Variants in SCRG1 observed in about 807,000 individuals in gnomAD.
The protein encoded by SCRG1 is stimulator of chondrogenesis 1, also known as scrapie-responsive protein 1.
Under a neutral mutation model 7.7 loss-of-function variants are expected in SCRG1, and 3 were observed. That is an observed-to-expected ratio of 0.39 (90% CI 0.18 to 1.01). SCRG1 has a LOEUF of 1.01. Ranked by LOEUF, SCRG1 falls within the 50% of genes least tolerant of loss-of-function variation. The probability of loss-of-function intolerance (pLI) is 0.36; values close to 1 mark genes in which losing one functional copy is unlikely to be tolerated. For missense variants in SCRG1, 110 were observed against 117.2 expected (o/e 0.94, Z 0.28); for synonymous variants, 46 against 41.2 (o/e 1.12, Z -0.44).
chr4:173,470,438 A>T, the SCRG1 span, among the ~76,000 whole-genome samples: 1 of 152,196 alleles, frequency 6.6e-6, no homozygotes, highest in Non-Finnish European at 1.5e-5. Flanking sequence ...CTGACGTGTC[A>T]GGCAGTCTTT....
chr4:173,464,940 C>A, the SCRG1 span, among the ~76,000 whole-genome samples: 2 of 152,078 alleles, frequency 1.3e-5, no homozygotes, highest in African/African-American at 4.8e-5. Flanking sequence ...ACACATACTA[C>A]AATATGGAAA....
the SCRG1 span, among the ~76,000 whole-genome samples, chr4:173,494,651 G>C: frequency 0.015 from 2,248 of 152,340 alleles, 43 homozygotes; most frequent in African/African-American, 0.043. Flanking sequence ...GGCACCAGGA[G>C]GGCGAGAAGA....
chr4:173,391,457 C>A, intron 1 of SCRG1, 29 bp from the exon 2 acceptor site: 1 of 1,608,782 alleles, frequency 6.2e-7, no homozygotes, highest in South Asian at 1.1e-5. Flanking sequence ...CAAAATGTGT[C>A]AATGTTTGTT....
the SCRG1 span, among the ~76,000 whole-genome samples, chr4:173,487,900 G>A: frequency 0.076 from 11,554 of 151,754 alleles, 566 homozygotes; most frequent in Non-Finnish European, 0.099. Context: ...TCAGGAGTTC[G>A]AGATCATCCT....
chr4:173,467,034 T>C, the SCRG1 span, among the ~76,000 whole-genome samples: 1 of 152,092 alleles, frequency 6.6e-6, no homozygotes, highest in Admixed American at 6.6e-5. Context: ...TTGGACCTAA[T>C]ATTAGGACAA....
the SCRG1 span, among the ~76,000 whole-genome samples, chr4:173,482,455 T>C: frequency 6.6e-6 from 1 of 152,102 alleles, no homozygotes; most frequent in Non-Finnish European, 1.5e-5. Flanking sequence ...CATCTAAACA[T>C]ACTGTCTTTT....
rs200538098 is a variant in SCRG1, at chr4:173,391,407, A to G, written c.8T>C (p.Leu3Pro). 13 of 1,614,010 alleles carry G rather than the reference A, an allele frequency of 8.1e-6. No homozygotes were observed. The Admixed American group carries it at 8.3e-5, about 10-fold the overall frequency. The change falls in exon 2 of 3, where the codon CTG (leucine) becomes CCG (proline). Residue 3 changes from leucine to proline, a missense_variant. Physicochemically the swap from Leu to Pro is moderately conservative, Grantham distance 98. Transcript: ENST00000296506. ...CCCAATGGTGAAAACAAGTACCATC[A>G]GTTTCATTTTGGCTTTTGGCCCTGA... MK[L>P]MVLVFTIGLT...
the SCRG1 span, among the ~76,000 whole-genome samples, chr4:173,486,240 C>T: frequency 6.6e-6 from 1 of 152,132 alleles, no homozygotes; most frequent in Admixed American, 6.5e-5. Context: ...TCTGAAACTT[C>T]TATTTACATT....
At chr4:173,462,360 A>G in the SCRG1 span, among the ~76,000 whole-genome samples, 1 of 151,972 alleles carries the variant, frequency 6.6e-6, no homozygotes, top group Non-Finnish European at 1.5e-5. Flanking sequence ...CTGGCAGCAG[A>G]CTTTTCAGTG....
chr4:173,402,893 T>A (rs2126923108), upstream of SCRG1, among the ~76,000 whole-genome samples: 1 of 152,344 alleles, frequency 6.6e-6, no homozygotes, highest in Non-Finnish European at 1.5e-5. Flanking sequence ...CACAATATGC[T>A]TGTTGAAATG....
At chr4:173,494,360 T>C in the SCRG1 span, among the ~76,000 whole-genome samples, 1 of 152,196 alleles carries the variant, frequency 6.6e-6, no homozygotes, top group Admixed American at 6.5e-5. Context: ...AAGCTCCATG[T>C]GGCACACAGG....
At chr4:173,460,851 T>C in the SCRG1 span, among the ~76,000 whole-genome samples, 1 of 152,020 alleles carries the variant, frequency 6.6e-6, no homozygotes, top group Non-Finnish European at 1.5e-5. Context: ...TGAAGTGTGA[T>C]TACCAGGCTA....
At position 173,388,322 on chromosome 4, in the gene SCRG1, C is replaced by G; in HGVS notation, c.*19G>C. 6.3e-7 allele frequency: 1 copy of G among 1,598,130 alleles called. No individual in the cohort carries two copies. The highest frequency in any genetic ancestry group is 8.6e-7 in the Non-Finnish European group (1 of 1,166,932). ...TGTGGGAAATCAGGAATGGTGTTCT[C>G]CAGAATACATGAAGATTCTCATTGA... On this transcript the variant is annotated 3_prime_UTR_variant, in exon 3 of 3. Coordinates refer to ENST00000296506, the MANE Select transcript of SCRG1 (RefSeq NM_007281.4).
chr4:173,463,640 C>T, the SCRG1 span, among the ~76,000 whole-genome samples: 1 of 152,154 alleles, frequency 6.6e-6, no homozygotes, highest in Non-Finnish European at 1.5e-5. Flanking sequence ...AATTCTTATT[C>T]TTTATCTGGT....
At chr4:173,396,799 A>G (rs562867894) in intron 1 of SCRG1, among the ~76,000 whole-genome samples, 1 of 150,850 alleles carries the variant, frequency 6.6e-6, no homozygotes, top group South Asian at 2.1e-4. Context: ...TCACACCTGT[A>G]ATCCCAGCAC....
chr4:173,400,180 C>T (rs1351683596), upstream of SCRG1, among the ~76,000 whole-genome samples: 5 of 152,260 alleles, frequency 3.3e-5, no homozygotes, highest in African/African-American at 7.2e-5. Context: ...CAGAAAATAC[C>T]GGCTTTTGCT....
At chr4:173,451,634 T>TTTATTTTA in the SCRG1 span, among the ~76,000 whole-genome samples, 474 of 21,170 alleles carry the variant, frequency 0.022, 1 homozygote, top group South Asian at 0.04. Context: ...TACTTACTTA[T>TTTATTTTA]TTTATTTATT....
the SCRG1 span, among the ~76,000 whole-genome samples, chr4:173,500,817 C>A: frequency 6.7e-6 from 1 of 149,920 alleles, no homozygotes; most frequent in Non-Finnish European, 1.5e-5. Context: ...ATACTGTAAT[C>A]TTGGGGAGTT....
chr4:173,399,326 G>A (rs754916045), upstream of SCRG1: 6 of 152,218 alleles, frequency 3.9e-5, no homozygotes, highest in Admixed American at 6.5e-5. Context: ...CAAACCAGGC[G>A]AGAACGAATA....
Sources: allele counts gnomAD v4.1 joint callset (sites outside exome capture counted in the v4.1 genomes callset), GRCh38; gene constraint gnomAD v4.1.1; transcripts MANE v1.5; gene names NCBI Gene and HGNC (gene_info 2026-07-23, HGNC 2026-07-21).